Variants in C20orf144 observed in about 807,000 individuals in gnomAD.
The protein encoded by C20orf144 is uncharacterized protein C20orf144.
In C20orf144, 8 loss-of-function variants were observed where a neutral mutation model predicts 3.8. The ratio of observed to expected loss-of-function variants is 2.11; its 90% CI spans 1.24 to 3.80. The LOEUF (loss-of-function observed/expected upper bound fraction) is 3.80, where lower values mean the gene tolerates loss of function less well. Among genes scored for constraint, C20orf144 ranks in the 30% most tolerant of loss-of-function variants. The pLI, the probability that C20orf144 is intolerant of heterozygous loss-of-function variation, is 0.00. For missense variants in C20orf144, 289 were observed against 224.5 expected (o/e 1.29, Z -1.83); for synonymous variants, 126 against 104.1 (o/e 1.21, Z -1.28).
In C20orf144 at chr20:33,663,559, G is replaced by C. The variant is rs768782763; in HGVS notation, c.154G>C (p.Asp52His). ...ATRIVLILPL[D>H]KRQPLANAGQ... ...CAGGATCGTGCTGATTCTCCCCCTG[G>C]ACAAGCGGCAGCCGCTGGCCAACGC... Residue 52 changes from aspartate (D) to histidine (H), a missense_variant, in exon 2 of 2, where the codon GAC (aspartate) becomes CAC (histidine). By Grantham distance (81) the Asp-to-His change is moderately conservative. Coordinates refer to ENST00000375222, the MANE Select transcript of C20orf144 (RefSeq NM_080825.4). 1 of 1,611,116 alleles carries C rather than the reference G, an allele frequency of 6.2e-7. No individual in the cohort carries two copies. Among genetic ancestry groups the C allele is most frequent in the Admixed American group, 1.7e-5 (1 of 59,992 alleles).
At position 33,663,788 on chromosome 20, in the gene C20orf144, C is replaced by T. The variant is rs928558901; in HGVS notation, c.383C>T (p.Pro128Leu). ...CGGCTGCTCTCGCGCTTCCGGTCCC[C>T]GGGGAAGGCTCCCCGCGAAGCCGGC... is the stretch of plus-strand genomic sequence containing the variant. ...WPRLLSRFRS[P>L]GKAPREAGPA... Residue 128 changes from proline to leucine, a missense_variant, in exon 2 of 2, where the codon CCG becomes CTG. Coordinates refer to ENST00000375222, the MANE Select transcript of C20orf144 (RefSeq NM_080825.4). The T allele has an allele frequency of 2.1e-6, 3 of 1,424,558 alleles. No homozygotes were observed. Among genetic ancestry groups the T allele is most frequent in the Non-Finnish European group, 2.7e-6 (3 of 1,099,478 alleles). The allele number at this position is 1,424,558 out of a possible 1,614,324, so 88.2% of individuals were successfully genotyped here. A position where few individuals can be genotyped will look rare whatever the true frequency, so the allele number is the denominator to read the frequency against.
Position 33,663,584 on chromosome 20 carries a change from C to A in C20orf144, c.179C>A (p.Ala60Asp). 1 of 1,611,492 alleles carries A rather than the reference C, an allele frequency of 6.2e-7. No individual in the cohort carries two copies. The highest frequency in any genetic ancestry group is 8.5e-7 in the Non-Finnish European group (1 of 1,179,690). ...PLDKRQPLAN[A>D]GQRIDYASGA... ...GACAAGCGGCAGCCGCTGGCCAACGCTGGGCAACGGATTGACTACGCGTCC... is the reference window on the plus strand; with the variant it reads ...GACAAGCGGCAGCCGCTGGCCAACGATGGGCAACGGATTGACTACGCGTCC... Residue 60 changes from alanine to aspartate, a missense_variant, in exon 2 of 2, where the codon GCT becomes GAT. Transcript: ENST00000375222.
intron 1 of C20orf144, chr20:33,663,277 G>A: frequency 1.8e-6 from 1 of 549,304 alleles, no homozygotes; most frequent in Non-Finnish European, 3.2e-6. Context: ...GCTGGTCTCA[G>A]GAAGTCAGCC....
In C20orf144 at chr20:33,663,575, TGGCCAACGC is replaced by T; in HGVS notation, c.171_179del (p.Ala58_Ala60del). On this transcript the variant is annotated inframe_deletion, in exon 2 of 2. Transcript: ENST00000375222. ...CTCCCCCTGGACAAGCGGCAGCCGC[TGGCCAACGC>T]TGGGCAACGGATTGACTACGCGTCC... is the stretch of plus-strand genomic sequence containing the variant. The T allele has an allele frequency of 6.2e-7, 1 of 1,611,400 alleles. No homozygotes were observed. The highest frequency in any genetic ancestry group is 8.5e-7 in the Non-Finnish European group (1 of 1,179,654).
chr20:33,663,080 T>G (rs190437803), intron 1 of C20orf144, among the ~76,000 whole-genome samples: 65 of 152,224 alleles, frequency 4.3e-4, no homozygotes, highest in Middle Eastern at 6.8e-3. Context: ...ACACGGAGAA[T>G]CAGTTCTAGT....
chr20:33,663,669 G>A lies in C20orf144; in HGVS notation c.264G>A (p.Glu88=), dbSNP rs1205985112. The A allele has an allele frequency of 4.5e-6, 7 of 1,572,996 alleles. No individual in the cohort carries two copies. Among genetic ancestry groups the A allele is most frequent in the South Asian group, 1.1e-5 (1 of 87,896 alleles). The change falls in exon 2 of 2, where the codon GAG becomes GAA. Residue 88 remains glutamate, a synonymous_variant. Transcript: ENST00000375222. Reference sequence around the variant, plus strand: ...TGCGCGGAGCGGGCGAAGGTAGCGAGCGCGAGCCGAGGATGCCGGTACTGC... The same window carrying A: ...TGCGCGGAGCGGGCGAAGGTAGCGAACGCGAGCCGAGGATGCCGGTACTGC... ...PRLRGAGEGS[E]REPRMPVLLL...
In C20orf144 at chr20:33,662,472, G is replaced by T. The variant is rs1360630469; in HGVS notation, c.126+1G>T. 1.3e-6 allele frequency: 2 copies of T among 1,551,634 alleles called. No homozygotes were observed. Among genetic ancestry groups the T allele is most frequent in the African/African-American group, 1.4e-5 (1 of 73,228 alleles). On this transcript the variant is annotated splice_donor_variant, in intron 1 of 1. Transcript: ENST00000375222. LOFTEE classifies it high-confidence loss of function. ...CCACCTCACTCGGAAGAAGCCGGCT[G>T]TGAGGGCGGGGGATGGGGAGCAGGG... is the stretch of plus-strand genomic sequence containing the variant.
chr20:33,663,545 T>C lies in C20orf144; in HGVS notation c.140T>C (p.Leu47Pro). The stretch of plus-strand genomic sequence containing the variant: ...TTCCACCCCCAGACCAGGATCGTGC[T>C]GATTCTCCCCCTGGACAAGCGGCAG... ...TRKKPATRIV[L>P]ILPLDKRQPL... The change falls in exon 2 of 2, where the codon CTG becomes CCG. Residue 47 changes from leucine to proline, a missense_variant. Coordinates refer to ENST00000375222, the MANE Select transcript of C20orf144 (RefSeq NM_080825.4). 2 of 1,610,524 alleles carry C rather than the reference T, an allele frequency of 1.2e-6. No individual in the cohort carries two copies. Among genetic ancestry groups the C allele is most frequent in the Non-Finnish European group, 1.7e-6 (2 of 1,179,504 alleles).
Position 33,663,550 on chromosome 20 carries a change from C to G in C20orf144, c.145C>G (p.Leu49Val), listed in dbSNP as rs746108951. The change falls in exon 2 of 2, where the codon CTC (leucine) becomes GTC (valine). Residue 49 changes from leucine to valine, a missense_variant. Physicochemically the swap from Leu to Val is conservative, Grantham distance 32. Coordinates refer to ENST00000375222, the MANE Select transcript of C20orf144 (RefSeq NM_080825.4). ...CCCCCAGACCAGGATCGTGCTGATTCTCCCCCTGGACAAGCGGCAGCCGCT... is the reference window on the plus strand; with the variant it reads ...CCCCCAGACCAGGATCGTGCTGATTGTCCCCCTGGACAAGCGGCAGCCGCT... The part of the protein sequence containing the change: ...KKPATRIVLI[L>V]PLDKRQPLAN... The G allele has an allele frequency of 3.1e-6, 5 of 1,610,856 alleles. No individual in the cohort carries two copies. The highest frequency in any genetic ancestry group is 4.2e-6 in the Non-Finnish European group (5 of 1,179,590).
At chr20:33,663,446 G>C in intron 1 of C20orf144, 86 bp from the exon 2 acceptor site, 1 of 1,419,890 alleles carries the variant, frequency 7.0e-7, no homozygotes, top group African/African-American at 1.5e-5. Context: ...GGTGGACGAG[G>C]GTCCCAGGAG....
Position 33,663,748 on chromosome 20 carries a change from G to A in C20orf144, c.343G>A (p.Ala115Thr). Reference protein sequence around the residue: ...RRPEEGGARAALSWPRLLSRF... With the variant: ...RRPEEGGARATLSWPRLLSRF... ...GCCGGAAGAGGGCGGGGCCAGGGCA[G>A]CTCTGAGCTGGCCGCGGCTGCTCTC... Residue 115 changes from alanine (A) to threonine (T), a missense_variant, in exon 2 of 2, where the codon GCT becomes ACT. By Grantham distance (58) the Ala-to-Thr change is moderately conservative (BLOSUM62 0). Coordinates refer to ENST00000375222, the MANE Select transcript of C20orf144 (RefSeq NM_080825.4). 2 of 1,493,884 alleles carry A rather than the reference G, an allele frequency of 1.3e-6. No homozygotes were observed. The highest frequency in any genetic ancestry group is 1.8e-6 in the Non-Finnish European group (2 of 1,129,566). 92.5% of individuals were successfully genotyped at this position (1,493,884 alleles called of 1,614,324 possible).
chr20:33,663,443 G>A (rs897097283), intron 1 of C20orf144, 89 bp from the exon 2 acceptor site: 4 of 1,394,714 alleles, frequency 2.9e-6, no homozygotes, highest in South Asian at 1.3e-5. Context: ...CCGGGTGGAC[G>A]AGGGTCCCAG....
chr20:33,662,739 A>G (rs1391232114), intron 1 of C20orf144: 8 of 415,428 alleles, frequency 1.9e-5, no homozygotes, highest in Non-Finnish European at 3.5e-5. Flanking sequence ...CAGGAGTTTG[A>G]GATTGGCCTG....
chr20:33,663,236 G>A (rs1458847318), intron 1 of C20orf144: 2 of 494,568 alleles, frequency 4.0e-6, no homozygotes, highest in Admixed American at 4.0e-5. Context: ...CTGACATAGG[G>A]CCTGGAAGGG....
rs1251455236 is a variant in C20orf144 at position 33,663,474 on chromosome 20, G to A, written c.127-58G>A. ...CCCAGGAGAAGCGCGGAGCGGCCCC[G>A]GGTCGTGGGCTCGGCCCTAGCGCGC... On this transcript the variant is annotated intron_variant, in intron 1 of 1. Transcript: ENST00000375222. The A allele has an allele frequency of 7.8e-6, 12 of 1,538,044 alleles. No individual in the cohort carries two copies. The African/African-American group carries it at 9.9e-5, about 13-fold the overall frequency.
rs1199326947 is a variant in C20orf144 at position 33,663,704 on chromosome 20, G to A, written c.299G>A (p.Arg100Gln). 2 of 1,537,998 alleles carry A rather than the reference G, an allele frequency of 1.3e-6. No individual in the cohort carries two copies. The highest frequency in any genetic ancestry group is 1.7e-6 in the Non-Finnish European group (2 of 1,158,148). ...EPRMPVLLLL[R>Q]RQEARRPEEG... ...AGGATGCCGGTACTGCTGCTGCTGC[G>A]GCGGCAAGAGGCGCGGCGGCCGGAA... The change falls in exon 2 of 2, where the codon CGG becomes CAG. Residue 100 changes from arginine to glutamine, a missense_variant. Physicochemically the swap from Arg to Gln is conservative, Grantham distance 43 (BLOSUM62 1). Transcript: ENST00000375222.
Position 33,663,686 on chromosome 20 carries a change from C to T in C20orf144, c.281C>T (p.Pro94Leu), listed in dbSNP as rs778877884. 6.3e-7 allele frequency: 1 copy of T among 1,584,144 alleles called. No homozygotes were observed. Among genetic ancestry groups the T allele is most frequent in the Admixed American group, 1.8e-5 (1 of 57,126 alleles). ...GGTAGCGAGCGCGAGCCGAGGATGC[C>T]GGTACTGCTGCTGCTGCGGCGGCAA... ...GEGSEREPRM[P>L]VLLLLRRQEA... Residue 94 changes from proline to leucine, a missense_variant, in exon 2 of 2, where the codon CCG becomes CTG. Physicochemically the swap from Pro to Leu is moderately conservative, Grantham distance 98 (BLOSUM62 -3). Transcript: ENST00000375222.
rs761579956 is a variant in C20orf144, at chr20:33,662,437, C to T, written c.92C>T (p.Ser31Leu). 7 of 1,551,776 alleles carry T rather than the reference C, an allele frequency of 4.5e-6. No individual in the cohort carries two copies. ...GACATGGACAAGGCCTGGTGGAAAT[C>T]GTTCCTCAACCACCTCACTCGGAAG... Reference protein sequence around the residue: ...PADMDKAWWKSFLNHLTRKKP... With the variant: ...PADMDKAWWKLFLNHLTRKKP... The change falls in exon 1 of 2, where the codon TCG becomes TTG. Residue 31 changes from serine (S) to leucine (L), a missense_variant. Physicochemically the swap from Ser to Leu is moderately radical, Grantham distance 145. Transcript: ENST00000375222.
At chr20:33,662,903 A>AG (rs912848804) in intron 1 of C20orf144, 2 of 184,258 alleles carry the variant, frequency 1.1e-5, no homozygotes, top group Admixed American at 5.7e-5. Flanking sequence ...CCACTGCTCC[A>AG]GCCTGTAGGA....
Sources: gnomAD v4.1 joint callset for allele counts (sites outside exome capture counted in the v4.1 genomes callset) on GRCh38, gnomAD v4.1.1 for gene constraint, MANE v1.5 for transcripts, NCBI Gene and HGNC (gene_info 2026-07-23, HGNC 2026-07-21) for gene names.